The following ZBTB44 variants were observed in gnomAD, a reference collection of about 807,000 sequenced individuals.
ZBTB44 encodes zinc finger and BTB domain-containing protein 44.
In ZBTB44, 15 loss-of-function variants were observed where a neutral mutation model predicts 54.0. The observed-to-expected ratio is 0.28, with a 90% CI of 0.19 to 0.43. The LOEUF (loss-of-function observed/expected upper bound fraction) is 0.43, where lower values mean the gene tolerates loss of function less well. ZBTB44 is among the 20% of genes least tolerant of loss of function. ZBTB44 has a pLI of 1.00. For missense variants in ZBTB44, 487 were observed against 707.1 expected, an observed-to-expected ratio of 0.69 and a Z score of 3.53; for synonymous variants, 230 against 250.1, an observed-to-expected ratio of 0.92 and a Z score of 0.76.
intron 1 of ZBTB44, chr11:130,296,008 G>C: frequency 1.3e-6 from 2 of 1,565,676 alleles, no homozygotes; most frequent in Non-Finnish European, 1.8e-6. Flanking sequence ...GAATATCCCA[G>C]GGTTTATGTA....
At chr11:130,243,943 C>A (rs568254502) in intron 2 of ZBTB44, among the ~76,000 whole-genome samples, 5 of 152,118 alleles carry the variant, frequency 3.3e-5, no homozygotes, top group African/African-American at 1.2e-4. Context: ...CCCTGCTTAA[C>A]GTGTGGGGCA....
chr11:130,252,894 C>T (rs1230349365), intron 2 of ZBTB44, among the ~76,000 whole-genome samples: 1 of 152,162 alleles, frequency 6.6e-6, no homozygotes, highest in Non-Finnish European at 1.5e-5. Flanking sequence ...CCCTGGGATG[C>T]AAGGCTGGTT....
intron 2 of ZBTB44, among the ~76,000 whole-genome samples, chr11:130,240,942 G>A (rs1185908559): frequency 6.6e-6 from 1 of 152,164 alleles, no homozygotes; most frequent in Non-Finnish European, 1.5e-5. Context: ...AGTTTGCCAA[G>A]GCTTGCCATA....
chr11:130,234,554 C>G (rs1954022528), intron 5 of ZBTB44, among the ~76,000 whole-genome samples: 1 of 152,150 alleles, frequency 6.6e-6, no homozygotes, highest in Non-Finnish European at 1.5e-5. Flanking sequence ...CTTTCTTGTT[C>G]TATGTAGAGG....
intron 5 of ZBTB44, chr11:130,235,990 T>C (rs1954092290): frequency 1.1e-6 from 1 of 909,294 alleles, no homozygotes; most frequent in Non-Finnish European, 1.4e-6. Context: ...AAGAAAGATT[T>C]GTAAAAATTT....
At chr11:130,246,942 G>A (rs1954674282) in intron 2 of ZBTB44, among the ~76,000 whole-genome samples, 1 of 152,054 alleles carries the variant, frequency 6.6e-6, no homozygotes, top group Admixed American at 6.6e-5. Context: ...ATCTCTCGCT[G>A]GCTAATGAGT....
chr11:130,258,329 T>A (rs1361969538), intron 2 of ZBTB44, among the ~76,000 whole-genome samples: 1 of 152,216 alleles, frequency 6.6e-6, no homozygotes, highest in Non-Finnish European at 1.5e-5. Context: ...AAGTCTTTCT[T>A]TACAAAGTCT....
rs565848436 is a variant in ZBTB44 at position 130,283,235 on chromosome 11, G to A, written c.-56-21306C>T. Among the ~76,000 whole-genome samples, 43 of 151,664 alleles carry A rather than the reference G, an allele frequency of 2.8e-4. 1 individual carries two copies. In the South Asian group the frequency reaches 8.3e-3, roughly 29 times the overall value. On this transcript the variant is annotated intron_variant, in intron 1 of 7. Transcript: ENST00000357899. Reference sequence around the variant, plus strand: ...ATTTTTTTGTATTTTTAGTAGAGAGGCGGTTTTGCCATGTTGGCTAGGCTG... The same window carrying A: ...ATTTTTTTGTATTTTTAGTAGAGAGACGGTTTTGCCATGTTGGCTAGGCTG...
At chr11:130,290,513 A>ACTGCCT (rs1415290260) in intron 1 of ZBTB44, among the ~76,000 whole-genome samples, 7 of 152,168 alleles carry the variant, frequency 4.6e-5, no homozygotes, top group Non-Finnish European at 8.8e-5. Context: ...CTCCACTGCC[A>ACTGCCT]CTGCCTCTGC....
At chr11:130,244,310 C>G (rs1414552838) in intron 2 of ZBTB44, among the ~76,000 whole-genome samples, 3 of 152,134 alleles carry the variant, frequency 2.0e-5, no homozygotes, top group African/African-American at 4.8e-5. Context: ...ATGAACAAAT[C>G]TGAGCCTCTG....
intron 1 of ZBTB44, among the ~76,000 whole-genome samples, chr11:130,294,184 G>A (rs2134388066): frequency 6.6e-6 from 1 of 152,066 alleles, no homozygotes; most frequent in African/African-American, 2.4e-5. Context: ...CGAGATGGGT[G>A]GATCTCTTGA....
intron 1 of ZBTB44, among the ~76,000 whole-genome samples, chr11:130,264,174 T>C (rs1939079719): frequency 6.6e-6 from 1 of 152,200 alleles, no homozygotes; most frequent in African/African-American, 2.4e-5. Flanking sequence ...TTCTGAGGAT[T>C]AAATGACCTA....
chr11:130,292,579 T>G (rs1166868299), intron 1 of ZBTB44, among the ~76,000 whole-genome samples: 1 of 152,224 alleles, frequency 6.6e-6, no homozygotes, highest in Non-Finnish European at 1.5e-5. Context: ...TGTTCTTGAT[T>G]TACGGTGCTT....
At chr11:130,260,378 G>A (rs925968794) in intron 2 of ZBTB44, among the ~76,000 whole-genome samples, 1 of 152,174 alleles carries the variant, frequency 6.6e-6, no homozygotes, top group Admixed American at 6.5e-5. Context: ...AGTGTAACTT[G>A]CTCTTTCCTT....
intron 1 of ZBTB44, among the ~76,000 whole-genome samples, chr11:130,279,313 A>AC (rs1228740531): frequency 6.6e-6 from 1 of 151,706 alleles, no homozygotes; most frequent in African/African-American, 2.4e-5. Flanking sequence ...TTATTTAAAA[A>AC]AAAAAAAAAA....
At position 130,236,671 on chromosome 11, in the gene ZBTB44, C is replaced by T; in HGVS notation, c.1568+122G>A. ...AGATTAGAGTATGAACAGTGGGAATCCGTAACAAATGTGACTGACTAGCTG... is the reference window on the plus strand; with the variant it reads ...AGATTAGAGTATGAACAGTGGGAATTCGTAACAAATGTGACTGACTAGCTG... On this transcript the variant is annotated intron_variant, in intron 5 of 7. Coordinates refer to ENST00000357899, the MANE Select transcript of ZBTB44 (RefSeq NM_001301098.2). 3 of 1,048,554 alleles carry T rather than the reference C, an allele frequency of 2.9e-6. No homozygotes were observed. The Admixed American group carries it at 1.2e-4, about 41-fold the overall frequency. The allele number at this position is 1,048,554 out of a possible 1,614,324, so 65.0% of individuals were successfully genotyped here.
At position 130,230,569 on chromosome 11, in the gene ZBTB44, A is replaced by C. The variant is rs1157558306; in HGVS notation, c.*1195T>G. The C allele has an allele frequency of 6.7e-6, 1 of 150,056 alleles. No homozygotes were observed. Among genetic ancestry groups the C allele is most frequent in the Non-Finnish European group, 1.5e-5 (1 of 67,814 alleles). 9.3% of individuals were successfully genotyped at this position (150,056 alleles called of 1,614,324 possible). On this transcript the variant is annotated 3_prime_UTR_variant, in exon 8 of 8. Coordinates refer to ENST00000357899, the MANE Select transcript of ZBTB44 (RefSeq NM_001301098.2). ...ATTTTAGTATATTTTGTCTTACTGA[A>C]ATTGATAAAAAAAAAAAACTGGCAA...
intron 1 of ZBTB44, among the ~76,000 whole-genome samples, chr11:130,304,713 C>T (rs1201673619): frequency 1.3e-5 from 2 of 152,000 alleles, no homozygotes; most frequent in African/African-American, 4.8e-5. Flanking sequence ...AAGTACAGTC[C>T]TAAGAATATA....
rs1940690869 is a variant in ZBTB44 at position 130,283,474 on chromosome 11, G to A, written c.-56-21545C>T. On this transcript the variant is annotated intron_variant, in intron 1 of 7. Transcript: ENST00000357899. The stretch of plus-strand genomic sequence containing the variant: ...TTTTACAAAACTCAAAAGAACTGCA[G>A]GGAACAAAAGCAAAGCGCACCAGAC... Among the ~76,000 whole-genome samples, 3 of 152,238 alleles carry A rather than the reference G, an allele frequency of 2.0e-5. No homozygotes were observed. In the East Asian group the frequency reaches 5.8e-4, roughly 29 times the overall value.
Sources: allele counts gnomAD v4.1 joint callset (sites outside exome capture counted in the v4.1 genomes callset), GRCh38; gene constraint gnomAD v4.1.1; transcripts MANE v1.5; gene names NCBI Gene and HGNC (gene_info 2026-07-23, HGNC 2026-07-21).